SNTG2: variants seen among roughly 807,000 people sequenced by gnomAD.
SNTG2 encodes syntrophin gamma 2.
A neutral mutation model predicts 70.9 loss-of-function variants in SNTG2; 74 were observed. The ratio of observed to expected loss-of-function variants is 1.04; its 90% CI spans 0.86 to 1.27. The LOEUF (loss-of-function observed/expected upper bound fraction) is 1.27. Ranked by LOEUF, SNTG2 falls within the 50% of genes most tolerant of loss-of-function variation. The probability of loss-of-function intolerance (pLI) is 0.00; values close to 1 mark genes in which losing one functional copy is unlikely to be tolerated. For synonymous variants in SNTG2, 278 were observed against 273.8 expected, an observed-to-expected ratio of 1.02 and a Z score of -0.15; for missense variants, 717 against 690.7, an observed-to-expected ratio of 1.04 and a Z score of -0.43.
intron 14 of SNTG2, among the ~76,000 whole-genome samples, chr2:1,298,999 G>C (rs143105838): frequency 1.5e-3 from 236 of 152,262 alleles, no homozygotes; most frequent in African/African-American, 5.2e-3. Context: ...TGCTCCTCAA[G>C]CTTGCAGATG....
At chr2:1,336,177 G>A (rs1349972041) in intron 16 of SNTG2, among the ~76,000 whole-genome samples, 2 of 152,130 alleles carry the variant, frequency 1.3e-5, no homozygotes, top group African/African-American at 4.8e-5. Flanking sequence ...CAGTTTGGAG[G>A]TGTCAATTTC....
At chr2:1,056,818 C>T (rs61720820) in intron 1 of SNTG2, among the ~76,000 whole-genome samples, 1 of 9,472 alleles carries the variant, frequency 1.1e-4, no homozygotes, top group Non-Finnish European at 1.7e-4. Context: ...TGCTGTGGGG[C>T]GGGAGGGAGA....
chr2:1,265,031 CGCCCCTAACCCCTGGGTTGTTCAAG>C (rs1224875223), intron 13 of SNTG2, among the ~76,000 whole-genome samples: 2 of 152,204 alleles, frequency 1.3e-5, no homozygotes, highest in Non-Finnish European at 2.9e-5. Context: ...TGAGAGTTGG[CGCCCCTAACCCCTGGGTTGTTCAAG>C]GCCCAACTAT....
intron 9 of SNTG2, among the ~76,000 whole-genome samples, chr2:1,237,055 G>A (rs1269058748): frequency 6.6e-6 from 1 of 151,478 alleles, no homozygotes; most frequent in African/African-American, 2.4e-5. Context: ...AGATTCTCCT[G>A]CCGTAGCCTT....
At chr2:957,963 G>A (rs914785217) in intron 1 of SNTG2, among the ~76,000 whole-genome samples, 2 of 152,140 alleles carry the variant, frequency 1.3e-5, no homozygotes, top group African/African-American at 4.8e-5. Flanking sequence ...TAGCTTTTAG[G>A]GAATATCTTC....
At chr2:988,912 A>T (rs962336329) in intron 1 of SNTG2, among the ~76,000 whole-genome samples, 1 of 152,152 alleles carries the variant, frequency 6.6e-6, no homozygotes, top group Non-Finnish European at 1.5e-5. Context: ...TTTGAATTCT[A>T]CCAGCCATGT....
chr2:1,015,878 C>A (rs1029214247), intron 1 of SNTG2, among the ~76,000 whole-genome samples: 8 of 152,094 alleles, frequency 5.3e-5, no homozygotes, highest in African/African-American at 1.9e-4. Flanking sequence ...TGCTGCCCTG[C>A]AAGACAAAAG....
intron 9 of SNTG2, among the ~76,000 whole-genome samples, chr2:1,228,128 C>T (rs1234943507): frequency 2.0e-5 from 3 of 152,234 alleles, no homozygotes; most frequent in Non-Finnish European, 4.4e-5. Flanking sequence ...CTGTCATTCC[C>T]GTGCACACTC....
chr2:1,318,606 C>T (rs999737310), intron 16 of SNTG2, among the ~76,000 whole-genome samples: 3 of 152,210 alleles, frequency 2.0e-5, no homozygotes, highest in African/African-American at 4.8e-5. Flanking sequence ...TGCCCTGAGC[C>T]GCATCCTGGG....
At chr2:1,135,923 C>T (rs1000750115) in intron 4 of SNTG2, among the ~76,000 whole-genome samples, 6 of 152,276 alleles carry the variant, frequency 3.9e-5, no homozygotes, top group African/African-American at 1.2e-4. Context: ...TACTGTTAGA[C>T]AAGCTGAAGC....
At chr2:1,321,758 A>G (rs970484399) in intron 16 of SNTG2, among the ~76,000 whole-genome samples, 1 of 151,572 alleles carries the variant, frequency 6.6e-6, no homozygotes, top group South Asian at 2.1e-4. Flanking sequence ...AGCATAAACA[A>G]TTAATATGAT....
At chr2:1,287,486 A>G (rs553746229) in intron 14 of SNTG2, among the ~76,000 whole-genome samples, 4 of 152,302 alleles carry the variant, frequency 2.6e-5, no homozygotes, top group East Asian at 1.9e-4. Flanking sequence ...AACTGTGAAC[A>G]TGCCCCTTTA....
At chr2:1,150,743 A>G (rs1336522646) in intron 6 of SNTG2, among the ~76,000 whole-genome samples, 3 of 152,208 alleles carry the variant, frequency 2.0e-5, no homozygotes, top group African/African-American at 7.2e-5. Flanking sequence ...TTAGAGGGTC[A>G]GTATCTATGC....
Position 1,332,288 on chromosome 2 carries a change from G to A in SNTG2, c.1488+15913G>A, listed in dbSNP as rs569831843. On this transcript the variant is annotated intron_variant, in intron 16 of 16. Transcript: ENST00000308624. ...AACTTACTATAATGTTACCTGATGTGTGTTGTAAAAGTGCAAGGACAAGGA... is the reference window on the plus strand; with the variant it reads ...AACTTACTATAATGTTACCTGATGTATGTTGTAAAAGTGCAAGGACAAGGA... Among the ~76,000 whole-genome samples, 31 of 152,306 alleles carry A rather than the reference G, an allele frequency of 2.0e-4. 1 individual carries two copies. Among genetic ancestry groups the A allele is most frequent in the Admixed American group, 1.9e-3 (29 of 15,298 alleles).
chr2:1,142,502 A>G (rs1048652152), intron 6 of SNTG2, among the ~76,000 whole-genome samples: 1 of 151,944 alleles, frequency 6.6e-6, no homozygotes. Context: ...GGTTTTTTCA[A>G]TTTTTTTGGC....
At position 1,234,096 on chromosome 2, in the gene SNTG2, G is replaced by A. The variant is rs535596266; in HGVS notation, c.720-3792G>A. On this transcript the variant is annotated intron_variant, in intron 9 of 16. Transcript: ENST00000308624. ...AAGGCCTGAGCGGCCACCATGAGGC[G>A]GGTAGAGAGGCCGGGTTCCAACTGT... is the stretch of plus-strand genomic sequence containing the variant. Among the ~76,000 whole-genome samples, 150 of 152,270 alleles carry A rather than the reference G, an allele frequency of 9.9e-4. 2 individuals carry two copies. The highest frequency in any genetic ancestry group is 7.9e-4 in the Non-Finnish European group (54 of 68,038).
At chr2:967,971 G>A (rs908682367) in intron 1 of SNTG2, among the ~76,000 whole-genome samples, 3 of 152,084 alleles carry the variant, frequency 2.0e-5, no homozygotes, top group African/African-American at 7.2e-5. Context: ...GTTGCTGTGA[G>A]CCGAGATTGT....
chr2:996,113 A>G (rs1661673494), intron 1 of SNTG2, among the ~76,000 whole-genome samples: 1 of 152,174 alleles, frequency 6.6e-6, no homozygotes, highest in South Asian at 2.1e-4. Context: ...CCATAAACAA[A>G]CATACTCTCA....
At chr2:1,114,886 G>A (rs1189372819) in intron 4 of SNTG2, among the ~76,000 whole-genome samples, 3 of 151,874 alleles carry the variant, frequency 2.0e-5, no homozygotes, top group Non-Finnish European at 4.4e-5. Flanking sequence ...TGTGTACTAA[G>A]TGTGGTTTAA....
Sources: gnomAD v4.1 joint callset for allele counts (sites outside exome capture counted in the v4.1 genomes callset) on GRCh38, gnomAD v4.1.1 for gene constraint, MANE v1.5 for transcripts, NCBI Gene and HGNC (gene_info 2026-07-23, HGNC 2026-07-21) for gene names.